DLGAP2: variants seen among roughly 807,000 people sequenced by gnomAD.
DLGAP2 encodes disks large-associated protein 2.
Under a neutral mutation model 100.3 loss-of-function variants are expected in DLGAP2, and 26 were observed. The observed-to-expected ratio is 0.26, with a 90% CI of 0.19 to 0.36. The LOEUF is 0.36. Ranked by LOEUF, DLGAP2 falls within the 10% of genes least tolerant of loss-of-function variation. The pLI is 1.00. For missense variants in DLGAP2, 1,858 were observed against 1,453.2 expected (o/e 1.28, Z -4.53); for synonymous variants, 886 against 630.1 (o/e 1.41, Z -6.08).
chr8:1,470,864 TTCCCGACCCCTCCATCCTTTCCCGACCCC>T (rs1798769135), intron 3 of DLGAP2, among the ~76,000 whole-genome samples: 1 of 27,930 alleles, frequency 3.6e-5, no homozygotes, highest in African/African-American at 1.0e-4. Context: ...CCTCCAGCCT[TTCCCGACCCCTCCATCCTTTCCCGACCCC>T]TCCAGCCTTT....
chr8:1,195,896 A>G (rs1343279884), intron 2 of DLGAP2, among the ~76,000 whole-genome samples: 1 of 152,154 alleles, frequency 6.6e-6, no homozygotes, highest in Non-Finnish European at 1.5e-5. Context: ...AGTTTTTAGC[A>G]TTTCTAATTC....
At position 1,365,548 on chromosome 8, in the gene DLGAP2, G is replaced by A. The variant is rs191094972; in HGVS notation, c.106+106665G>A. Among the ~76,000 whole-genome samples, 28 of 152,252 alleles carry A rather than the reference G, an allele frequency of 1.8e-4. No individual in the cohort carries two copies. In the East Asian group the frequency reaches 4.1e-3, roughly 22 times the overall value. ...GGTCCGGCAGAATGTGGATGGCTTC[G>A]GGAAGTTTGCTCGCCGAGATAAAAT... On this transcript the variant is annotated intron_variant, in intron 3 of 14. Transcript: ENST00000637795.
chr8:1,356,444 G>A (rs549457488), intron 3 of DLGAP2, among the ~76,000 whole-genome samples: 6 of 152,178 alleles, frequency 3.9e-5, no homozygotes, highest in African/African-American at 7.2e-5. Flanking sequence ...GGAAATGCCC[G>A]TCAGAGGCTG....
rs1448114782 is a variant in DLGAP2, at chr8:1,707,917, C to G, written c.*6511C>G. ...TTCTCTTTCTCACGCTTTTATGGTT[C>G]TTTTGATAAATTCTATTTAGTAGCA... is the stretch of plus-strand genomic sequence containing the variant. On this transcript the variant is annotated 3_prime_UTR_variant, in exon 15 of 15. Transcript: ENST00000637795. The G allele has an allele frequency of 6.6e-6, 1 of 152,514 alleles. No individual in the cohort carries two copies. Among genetic ancestry groups the G allele is most frequent in the East Asian group, 1.9e-4 (1 of 5,202 alleles). The allele number at this position is 152,514 out of a possible 1,614,324, so 9.4% of individuals were successfully genotyped here.
At chr8:1,690,367 TAAATA>T (rs1016045768) in intron 12 of DLGAP2, among the ~76,000 whole-genome samples, 8 of 148,732 alleles carry the variant, frequency 5.4e-5, no homozygotes, top group African/African-American at 2.0e-4. Flanking sequence ...AGAAAATAAA[TAAATA>T]AAACAAAATA....
At chr8:1,238,239 G>A (rs1798707252) in intron 2 of DLGAP2, among the ~76,000 whole-genome samples, 1 of 52,700 alleles carries the variant, frequency 1.9e-5, no homozygotes, top group Non-Finnish European at 3.6e-5. Context: ...TCTCTCACAT[G>A]GTGCCATGTC....
intron 3 of DLGAP2, among the ~76,000 whole-genome samples, chr8:1,372,036 C>T (rs1011530759): frequency 6.6e-6 from 1 of 152,208 alleles, no homozygotes; most frequent in African/African-American, 2.4e-5. Context: ...GCTGTCTGTG[C>T]AGGTGGGGGG....
At chr8:1,558,507 A>G (rs954554016) in intron 5 of DLGAP2, among the ~76,000 whole-genome samples, 1 of 152,172 alleles carries the variant, frequency 6.6e-6, no homozygotes, top group Non-Finnish European at 1.5e-5. Context: ...ACATACACAC[A>G]TAGGCATGCA....
chr8:1,624,087 G>T (rs1379534848), intron 6 of DLGAP2, among the ~76,000 whole-genome samples: 3 of 152,244 alleles, frequency 2.0e-5, no homozygotes, highest in Non-Finnish European at 4.4e-5. Flanking sequence ...AGAAACTGTG[G>T]ACACCAGATC....
intron 2 of DLGAP2, among the ~76,000 whole-genome samples, chr8:1,191,738 C>T (rs947764763): frequency 5.3e-5 from 8 of 152,310 alleles, no homozygotes; most frequent in Admixed American, 1.3e-4. Flanking sequence ...ACACTTTACC[C>T]TCCTATTTTT....
intron 3 of DLGAP2, among the ~76,000 whole-genome samples, chr8:1,408,768 G>A (rs1796646051): frequency 6.6e-6 from 1 of 152,086 alleles, no homozygotes; most frequent in Non-Finnish European, 1.5e-5. Flanking sequence ...GGAACTCGTG[G>A]CAGCTCTACC....
chr8:1,312,374 G>C (rs1800632857), intron 3 of DLGAP2, among the ~76,000 whole-genome samples: 1 of 152,216 alleles, frequency 6.6e-6, no homozygotes, highest in Non-Finnish European at 1.5e-5. Context: ...CTTTCTGAAA[G>C]ACAGTTAAGA....
rs6993823 is a variant in DLGAP2, at chr8:937,069, G to A, written c.73+29103G>A. Reference sequence around the variant, plus strand: ...TGATGGCCTCCTGTGTGAAGGCCCCGCACATCTACAGACATGTGGTGCCCT... The same window carrying A: ...TGATGGCCTCCTGTGTGAAGGCCCCACACATCTACAGACATGTGGTGCCCT... On this transcript the variant is annotated intron_variant, in intron 2 of 14. Coordinates refer to ENST00000637795, the MANE Select transcript of DLGAP2 (RefSeq NM_001346810.2). Among the ~76,000 whole-genome samples the A allele has an allele frequency of 2.8e-3, 423 of 152,280 alleles. 1 individual carries two copies. The highest frequency in any genetic ancestry group is 9.4e-3 in the African/African-American group (392 of 41,556).
rs191851923 is a variant in DLGAP2 at position 971,938 on chromosome 8, C to T, written c.73+63972C>T. ...TTATAGAACTGAGACCCAATCATAG[C>T]ATTGTTCGGTGGCTCTTTTCCTTCA... On this transcript the variant is annotated intron_variant, in intron 2 of 14. Transcript: ENST00000637795. Among the ~76,000 whole-genome samples the T allele has an allele frequency of 1.5e-3, 226 of 152,268 alleles. 1 individual carries two copies. The highest frequency in any genetic ancestry group is 6.8e-3 in the Middle Eastern group (2 of 294).
chr8:740,816 T>C (rs1476660917), intron 1 of DLGAP2, among the ~76,000 whole-genome samples: 7 of 152,214 alleles, frequency 4.6e-5, no homozygotes, highest in Admixed American at 2.6e-4. Context: ...ATGTATACTT[T>C]GATTATAGAT....
intron 2 of DLGAP2, among the ~76,000 whole-genome samples, chr8:950,881 C>T (rs1462640625): frequency 6.6e-6 from 1 of 152,086 alleles, no homozygotes; most frequent in Non-Finnish European, 1.5e-5. Context: ...GCCTCAACTT[C>T]CCAAAGCGCT....
intron 2 of DLGAP2, chr8:1,002,959 T>C (rs1175248460): frequency 6.6e-6 from 1 of 152,202 alleles, no homozygotes; most frequent in Non-Finnish European, 1.5e-5. Flanking sequence ...CCTCCTGGGA[T>C]AAAAATCCTT....
intron 2 of DLGAP2, among the ~76,000 whole-genome samples, chr8:1,156,245 C>A (rs1449146236): frequency 1.3e-5 from 2 of 152,126 alleles, no homozygotes; most frequent in African/African-American, 4.8e-5. Flanking sequence ...ACCCAGGACC[C>A]GGGTAGGTCT....
rs187210153 is a variant in DLGAP2, at chr8:1,155,354, C to A, written c.74-103497C>A. 2.2e-4 allele frequency among the ~76,000 whole-genome samples: 33 copies of A among 152,314 alleles called. No homozygotes were observed. In the East Asian group the frequency reaches 2.7e-3, roughly 13 times the overall value. On this transcript the variant is annotated intron_variant, in intron 2 of 14. Coordinates refer to ENST00000637795, the MANE Select transcript of DLGAP2 (RefSeq NM_001346810.2). Reference sequence around the variant, plus strand: ...CCCACCGCTTCCTGCGAGGGGCATCCGGGCTGGGGGGTCTCCCCGGATGGT... The same window carrying A: ...CCCACCGCTTCCTGCGAGGGGCATCAGGGCTGGGGGGTCTCCCCGGATGGT...
Sources: allele counts gnomAD v4.1 joint callset (sites outside exome capture counted in the v4.1 genomes callset), GRCh38; gene constraint gnomAD v4.1.1; transcripts MANE v1.5; gene names NCBI Gene and HGNC (gene_info 2026-07-23, HGNC 2026-07-21).